Variants in FAM184B observed in about 807,000 individuals in gnomAD.
The protein encoded by FAM184B is protein FAM184B.
Under a neutral mutation model 135.9 loss-of-function variants are expected in FAM184B, and 111 were observed. The ratio of observed to expected loss-of-function variants is 0.82; its 90% CI spans 0.70 to 0.96. FAM184B has a LOEUF of 0.96. FAM184B is among the 40% of genes least tolerant of loss of function. The pLI is 0.00. For missense variants in FAM184B, 1,375 were observed against 1,323.9 expected (o/e 1.04, Z -0.60); for synonymous variants, 552 against 524.8 (o/e 1.05, Z -0.71).
intron 7 of FAM184B, among the ~76,000 whole-genome samples, chr4:17,681,084 T>C (rs927018505): frequency 6.6e-6 from 1 of 152,244 alleles, no homozygotes; most frequent in Non-Finnish European, 1.5e-5. Context: ...ATATGCTTTC[T>C]CCTGTTCATT....
chr4:17,759,615 C>T (rs1220016872), intron 1 of FAM184B, among the ~76,000 whole-genome samples: 3 of 152,082 alleles, frequency 2.0e-5, no homozygotes, highest in African/African-American at 7.2e-5. Flanking sequence ...GTCTCAGCCT[C>T]CCGAGTAGCT....
chr4:17,634,006 T>C, intron 16 of FAM184B, 118 bp from the exon 17 acceptor site: 1 of 724,826 alleles, frequency 1.4e-6, no homozygotes, highest in Non-Finnish European at 2.0e-6. Context: ...AGCAACAATT[T>C]CATTTATACA....
chr4:17,642,189 C>T lies in FAM184B; in HGVS notation c.2386G>A (p.Ala796Thr), dbSNP rs138239176. ...CCCTCGCCGGAACCCTGCCCAGCAG[C>T]GCCCGGTGGGGAGCCGGCCTGGCCC... ...GPGQAGSPPG[A>T]AGQGSGEGCG... The change falls in exon 13 of 18, where the codon GCT becomes ACT. Residue 796 changes from alanine to threonine, a missense_variant. Coordinates refer to ENST00000265018, the MANE Select transcript of FAM184B (RefSeq NM_015688.2). 1.0e-3 allele frequency: 1,579 copies of T among 1,527,896 alleles called. 11 individuals carry two copies. The African/African-American group carries it at 0.017, about 16-fold the overall frequency. 94.6% of individuals were successfully genotyped at this position (1,527,896 alleles called of 1,614,324 possible).
chr4:17,765,646 A>G (rs17583543), intron 1 of FAM184B, among the ~76,000 whole-genome samples: 3 of 152,046 alleles, frequency 2.0e-5, no homozygotes, highest in Admixed American at 1.3e-4. Context: ...CTCTGCTGAC[A>G]CTGCCACCTG....
intron 1 of FAM184B, among the ~76,000 whole-genome samples, chr4:17,737,952 T>A (rs1170645744): frequency 1.3e-5 from 2 of 152,162 alleles, no homozygotes; most frequent in Admixed American, 1.3e-4. Flanking sequence ...AAAACAACCA[T>A]GAAATGATAC....
intron 11 of FAM184B, among the ~76,000 whole-genome samples, chr4:17,651,537 CAAAA>C (rs751455835): frequency 6.5e-4 from 28 of 43,114 alleles, no homozygotes; most frequent in African/African-American, 2.4e-3. Flanking sequence ...GACTCTGTCT[CAAAA>C]AAAAAAAAAA....
intron 1 of FAM184B, among the ~76,000 whole-genome samples, chr4:17,729,611 C>A (rs1428917079): frequency 6.6e-6 from 1 of 152,174 alleles, no homozygotes; most frequent in East Asian, 1.9e-4. Flanking sequence ...GTTCTACAGC[C>A]ACCGCTGTTC....
At chr4:17,713,611 C>T (rs1334512315) in intron 1 of FAM184B, among the ~76,000 whole-genome samples, 1 of 152,200 alleles carries the variant, frequency 6.6e-6, no homozygotes, top group East Asian at 1.9e-4. Context: ...CTCATGGCAA[C>T]CCTGCAATTT....
intron 7 of FAM184B, among the ~76,000 whole-genome samples, chr4:17,678,434 A>C (rs1716363778): frequency 6.6e-6 from 1 of 152,006 alleles, no homozygotes; most frequent in Non-Finnish European, 1.5e-5. Flanking sequence ...GCTGCAAAAC[A>C]ACCAAACAAA....
At chr4:17,642,360 C>G (rs1170887462) in intron 12 of FAM184B, 132 bp from the exon 13 acceptor site, 1 of 1,369,786 alleles carries the variant, frequency 7.3e-7, no homozygotes, top group Non-Finnish European at 9.4e-7. Flanking sequence ...TGGCAGGCTC[C>G]TGAGTTCCCT....
intron 7 of FAM184B, among the ~76,000 whole-genome samples, chr4:17,686,061 C>T (rs980587036): frequency 2.6e-5 from 4 of 152,184 alleles, no homozygotes; most frequent in Admixed American, 6.5e-5. Flanking sequence ...CAGCCAACTC[C>T]GGTCCATCTC....
intron 7 of FAM184B, among the ~76,000 whole-genome samples, chr4:17,676,366 C>T (rs936047723): frequency 2.0e-5 from 3 of 152,090 alleles, no homozygotes; most frequent in African/African-American, 4.8e-5. Context: ...AAAACAATTA[C>T]AATAGCAACA....
At position 17,632,284 on chromosome 4, in the gene FAM184B, A is replaced by G. The variant is rs377293941; in HGVS notation, c.*248T>C. The G allele has an allele frequency of 3.3e-4, 97 of 295,356 alleles. No individual in the cohort carries two copies. The East Asian group carries it at 4.4e-3, about 13-fold the overall frequency. The allele number at this position is 295,356 out of a possible 1,614,324, so 18.3% of individuals were successfully genotyped here. The stretch of plus-strand genomic sequence containing the variant: ...GAGATGGGGTTTCACCATATTGGCC[A>G]GGCTGGTCTCAAATTCCTGGACTCA... On this transcript the variant is annotated 3_prime_UTR_variant, in exon 18 of 18. Coordinates refer to ENST00000265018, the MANE Select transcript of FAM184B (RefSeq NM_015688.2).
chr4:17,647,698 C>T lies in FAM184B; in HGVS notation c.2285G>A (p.Gly762Asp). 6.4e-7 allele frequency: 1 copy of T among 1,550,942 alleles called. No homozygotes were observed. Among genetic ancestry groups the T allele is most frequent in the Non-Finnish European group, 8.7e-7 (1 of 1,146,994 alleles). ...EALQAELRAL[G>D]RQQASSQCPG... The stretch of plus-strand genomic sequence containing the variant: ...ACACTGGCTGCTGGCTTGCTGTCTG[C>T]CCAGAGCCCTCAGCTCGGCCTGCAG... Residue 762 changes from glycine to aspartate, a missense_variant, in exon 12 of 18, where the codon GGC (glycine) becomes GAC (aspartate). Gly to Asp is a moderately conservative substitution (Grantham distance 94). Transcript: ENST00000265018.
At position 17,692,770 on chromosome 4, in the gene FAM184B, G is replaced by A. The variant is rs73093768; in HGVS notation, c.1488+532C>T. Among the ~76,000 whole-genome samples, 477 of 152,164 alleles carry A rather than the reference G, an allele frequency of 3.1e-3. 1 individual carries two copies. The highest frequency in any genetic ancestry group is 0.011 in the African/African-American group (450 of 41,502). ...GTTGACATTTTTTTGGTTTAAGCAG[G>A]CTCAGAAATGGCTCTTAGGATTCTG... On this transcript the variant is annotated intron_variant, in intron 6 of 17. Transcript: ENST00000265018.
intron 1 of FAM184B, among the ~76,000 whole-genome samples, chr4:17,747,878 G>A (rs1263902831): frequency 1.4e-4 from 17 of 121,868 alleles, no homozygotes; most frequent in Non-Finnish European, 1.9e-4. Flanking sequence ...CCGAGATTGC[G>A]CCACTGCACT....
chr4:17,724,315 C>A (rs951679646), intron 1 of FAM184B, among the ~76,000 whole-genome samples: 1 of 152,152 alleles, frequency 6.6e-6, no homozygotes, highest in African/African-American at 2.4e-5. Flanking sequence ...CTTCATTTAT[C>A]ATCAAGTTGT....
intron 1 of FAM184B, among the ~76,000 whole-genome samples, chr4:17,745,396 C>A (rs1223901494): frequency 6.6e-6 from 1 of 152,142 alleles, no homozygotes; most frequent in African/African-American, 2.4e-5. Context: ...TTCCCCCTGC[C>A]GCTTACCAAG....
intron 11 of FAM184B, among the ~76,000 whole-genome samples, chr4:17,651,505 T>G (rs1428444713): frequency 1.8e-5 from 2 of 112,320 alleles, no homozygotes; most frequent in African/African-American, 7.0e-5. Flanking sequence ...GCCACTGCAC[T>G]CCAGCCTGGG....
Sources: gnomAD v4.1 joint callset for allele counts (sites outside exome capture counted in the v4.1 genomes callset) on GRCh38, gnomAD v4.1.1 for gene constraint, MANE v1.5 for transcripts, NCBI Gene and HGNC (gene_info 2026-07-23, HGNC 2026-07-21) for gene names.